CCDC171: variants seen among roughly 807,000 people sequenced by gnomAD.
The protein encoded by CCDC171 is coiled-coil domain-containing protein 171.
In CCDC171, 177 loss-of-function variants were observed where a neutral mutation model predicts 168.2. That is an observed-to-expected ratio of 1.05 (90% CI 0.93 to 1.19). The LOEUF is 1.19. Ranked by LOEUF, CCDC171 falls within the 50% of genes most tolerant of loss-of-function variation. The probability of loss-of-function intolerance (pLI) is 0.00; values close to 1 mark genes in which losing one functional copy is unlikely to be tolerated. For synonymous variants in CCDC171, 687 were observed against 540.8 expected (o/e 1.27, Z -3.75); for missense variants, 1,991 against 1,539.0 (o/e 1.29, Z -4.91).
At chr9:16,036,644 AAAAC>A (rs1490575205) in intron 8 of CCDC171, among the ~76,000 whole-genome samples, 1 of 152,240 alleles carries the variant, frequency 6.6e-6, no homozygotes, top group Non-Finnish European at 1.5e-5. Context: ...ACTCCGTCTC[AAAAC>A]AAACAAACAA....
At chr9:15,813,700 C>A (rs34783886) in intron 21 of CCDC171, among the ~76,000 whole-genome samples, 12,430 of 151,538 alleles carry the variant, frequency 0.082, 671 homozygotes, top group Non-Finnish European at 0.12. Flanking sequence ...TAGAGATCTA[C>A]CTATTTATTA....
intron 7 of CCDC171, among the ~76,000 whole-genome samples, chr9:15,646,978 C>A (rs1345098982): frequency 1.3e-5 from 2 of 152,104 alleles, no homozygotes; most frequent in East Asian, 3.9e-4. Flanking sequence ...GCACTTATTC[C>A]AAAATTGACC....
Position 16,030,737 on chromosome 9 carries a change from G to A in CCDC171, n.999-4720G>A, listed in dbSNP as rs542383560. Among the ~76,000 whole-genome samples, 6 of 152,290 alleles carry A rather than the reference G, an allele frequency of 3.9e-5. No homozygotes were observed. In the East Asian group the frequency reaches 5.8e-4, roughly 15 times the overall value. ...CCTGACTCATTTCCCTTCCCGCGCT[G>A]TAGGGCATGGTTTGTGGTGGCGGCT... is the stretch of plus-strand genomic sequence containing the variant. On this transcript the variant is annotated intron_variant and non_coding_transcript_variant, in intron 6 of 9. Coordinates refer to the CCDC171 transcript ENST00000486641.
chr9:15,835,857 C>T (rs1429224525), intron 21 of CCDC171, among the ~76,000 whole-genome samples: 1 of 152,128 alleles, frequency 6.6e-6, no homozygotes, highest in Non-Finnish European at 1.5e-5. Context: ...TACCTATTTA[C>T]ATATATACAT....
At chr9:15,946,343 T>G (rs1828380529) in intron 25 of CCDC171, among the ~76,000 whole-genome samples, 1 of 151,974 alleles carries the variant, frequency 6.6e-6, no homozygotes. Flanking sequence ...AAAATCAATG[T>G]GCAAAAATCA....
At chr9:15,795,708 C>T (rs1054022272) in intron 21 of CCDC171, among the ~76,000 whole-genome samples, 1 of 152,146 alleles carries the variant, frequency 6.6e-6, no homozygotes, top group Non-Finnish European at 1.5e-5. Flanking sequence ...GGAAGGGCTG[C>T]CCTACTATGA....
At chr9:15,905,855 C>T (rs1469737389) in intron 24 of CCDC171, among the ~76,000 whole-genome samples, 1 of 152,122 alleles carries the variant, frequency 6.6e-6, no homozygotes, top group Admixed American at 6.5e-5. Context: ...CCACCAATCC[C>T]AAAGAAATAC....
intron 10 of CCDC171, among the ~76,000 whole-genome samples, chr9:15,687,832 A>G (rs2050508950): frequency 6.6e-6 from 1 of 152,208 alleles, no homozygotes; most frequent in Non-Finnish European, 1.5e-5. Context: ...AAGAAGAAAT[A>G]TAAAATCCGT....
intron 20 of CCDC171, 36 bp from the exon 21 acceptor site, chr9:15,784,473 T>A: frequency 6.9e-7 from 1 of 1,445,268 alleles, no homozygotes; most frequent in East Asian, 2.3e-5. Context: ...TGCAGTTAGC[T>A]TTATAACTGA....
the CCDC171 span, among the ~76,000 whole-genome samples, chr9:16,089,858 A>C: frequency 6.6e-6 from 1 of 152,230 alleles, no homozygotes; most frequent in Non-Finnish European, 1.5e-5. Context: ...AAATGCAATC[A>C]AAACCACAAT....
At chr9:15,684,010 A>G (rs1320787958) in intron 10 of CCDC171, among the ~76,000 whole-genome samples, 1 of 152,118 alleles carries the variant, frequency 6.6e-6, no homozygotes. Context: ...CTAAGAGACT[A>G]GCTATCATTA....
rs1191525754 is a variant in CCDC171 at position 15,874,757 on chromosome 9, A to T, written c.3600+94A>T. The T allele has an allele frequency of 5.8e-6, 7 of 1,202,016 alleles. No individual in the cohort carries two copies. In the South Asian group the frequency reaches 1.7e-4, roughly 28 times the overall value. 74.5% of individuals were successfully genotyped at this position (1,202,016 alleles called of 1,614,324 possible). A position where few individuals can be genotyped will look rare whatever the true frequency, so the allele number is the denominator to read the frequency against. On this transcript the variant is annotated intron_variant, in intron 24 of 25. Coordinates refer to ENST00000380701, the MANE Select transcript of CCDC171 (RefSeq NM_173550.4). Reference sequence around the variant, plus strand: ...ATGAAAGCCTCAAAGTATTGTGAATAATTTAAAGGAGATGCAAATAGATGT... The same window carrying T: ...ATGAAAGCCTCAAAGTATTGTGAATTATTTAAAGGAGATGCAAATAGATGT...
chr9:15,618,599 C>T (rs866605516), intron 6 of CCDC171, among the ~76,000 whole-genome samples: 2 of 152,292 alleles, frequency 1.3e-5, no homozygotes, highest in South Asian at 4.2e-4. Context: ...GGTGTCTGCC[C>T]AAACAGCCGC....
intron 23 of CCDC171, among the ~76,000 whole-genome samples, chr9:15,870,560 A>C (rs919045493): frequency 6.6e-6 from 1 of 151,844 alleles, no homozygotes; most frequent in Non-Finnish European, 1.5e-5. Context: ...ATCTTCTTAC[A>C]TGTGTTTTTA....
At chr9:15,635,575 T>G (rs1026183274) in intron 7 of CCDC171, among the ~76,000 whole-genome samples, 11 of 152,132 alleles carry the variant, frequency 7.2e-5, no homozygotes, top group Non-Finnish European at 1.5e-4. Context: ...CCACCCAGAC[T>G]GAGGGTAGGC....
rs918728990 is a variant in CCDC171 at position 15,794,426 on chromosome 9, T to C, written c.3267+9732T>C. 7.9e-5 allele frequency among the ~76,000 whole-genome samples: 12 copies of C among 152,006 alleles called. No individual in the cohort carries two copies. In the East Asian group the frequency reaches 1.7e-3, roughly 22 times the overall value. On this transcript the variant is annotated intron_variant, in intron 21 of 25. Transcript: ENST00000380701. ...GTTGTAGTGAGCCTAGATGGTGCCA[T>C]TGCACTCCAGCTGGGTGACAGAGCG... is the stretch of plus-strand genomic sequence containing the variant.
chr9:15,753,645 C>G (rs1365784758), intron 18 of CCDC171, among the ~76,000 whole-genome samples: 1 of 152,096 alleles, frequency 6.6e-6, no homozygotes, highest in Non-Finnish European at 1.5e-5. Context: ...TCTTTACATG[C>G]TTGCCTAAGT....
chr9:15,975,002 C>G (rs150470781), downstream of CCDC171, among the ~76,000 whole-genome samples: 1,263 of 152,186 alleles, frequency 8.3e-3, 17 homozygotes, highest in African/African-American at 0.029. Context: ...CTCCTGGGCT[C>G]AAGTGATCCT....
chr9:15,828,075 G>C (rs1379748444), intron 21 of CCDC171, among the ~76,000 whole-genome samples: 2 of 152,168 alleles, frequency 1.3e-5, no homozygotes, highest in Non-Finnish European at 2.9e-5. Flanking sequence ...TACACTGTAA[G>C]ATTAATAGTA....
Sources: gnomAD v4.1 joint callset for allele counts (sites outside exome capture counted in the v4.1 genomes callset) on GRCh38, gnomAD v4.1.1 for gene constraint, MANE v1.5 for transcripts, NCBI Gene and HGNC (gene_info 2026-07-23, HGNC 2026-07-21) for gene names.